The following PIGB variants were observed in gnomAD, a reference collection of about 807,000 sequenced individuals.
The protein encoded by PIGB is GPI alpha-1,2-mannosyltransferase 3.
Under a neutral mutation model 68.4 loss-of-function variants are expected in PIGB, and 58 were observed. The observed-to-expected ratio is 0.85, with a 90% confidence interval of 0.69 to 1.06. PIGB has a LOEUF of 1.06. Ranked by LOEUF, PIGB falls within the 50% of genes least tolerant of loss-of-function variation. The pLI, the probability that PIGB is intolerant of heterozygous loss-of-function variation, is 0.00. For missense variants in PIGB, 634 were observed against 655.8 expected, an observed-to-expected ratio of 0.97 and a Z score of 0.36; for synonymous variants, 219 against 220.5, an observed-to-expected ratio of 0.99 and a Z score of 0.06.
At chr15:55,348,052 G>A (rs1218183308) in intron 9 of PIGB, among the ~76,000 whole-genome samples, 3 of 139,746 alleles carry the variant, frequency 2.1e-5, no homozygotes, top group Admixed American at 7.9e-5. Context: ...GCAGTGGCAC[G>A]ATCTCAGCTC....
chr15:55,354,220 CAGG>C (rs1183397851), intron 10 of PIGB, among the ~76,000 whole-genome samples: 5 of 151,592 alleles, frequency 3.3e-5, no homozygotes, highest in Admixed American at 3.3e-4. Context: ...GAGGCTGAGA[CAGG>C]AGAATTGCTG....
In PIGB at chr15:55,340,658, A is replaced by C; in HGVS notation, c.893A>C (p.Asn298Thr). The change falls in exon 8 of 12, where the codon AAC (asparagine) becomes ACC (threonine). Residue 298 changes from asparagine to threonine, a missense_variant. Transcript: ENST00000164305. ...FNFLKFNVLQ[N>T]WGTFYGSHPW... ...TTTTTGAAATTTAACGTGCTGCAGA[A>C]CTGGGGAACATTTTATGGTTCTCAT... 1 of 1,613,046 alleles carries C rather than the reference A, an allele frequency of 6.2e-7. No homozygotes were observed. The highest frequency in any genetic ancestry group is 8.5e-7 in the Non-Finnish European group (1 of 1,179,528).
Position 55,319,452 on chromosome 15 carries a change from A to C in PIGB, c.163+39A>C, listed in dbSNP as rs751542127. ...CACTGTCTGGAGAGCTCCTACCCCCATCTAAAAGGAACCCCCTCCATTTCA... is the reference window on the plus strand; with the variant it reads ...CACTGTCTGGAGAGCTCCTACCCCCCTCTAAAAGGAACCCCCTCCATTTCA... On this transcript the variant is annotated intron_variant, in intron 1 of 11. Transcript: ENST00000164305. 4.7e-6 allele frequency: 7 copies of C among 1,485,300 alleles called. No homozygotes were observed. The South Asian group carries it at 8.8e-5, about 19-fold the overall frequency. 92.0% of individuals were successfully genotyped at this position (1,485,300 alleles called of 1,614,324 possible).
chr15:55,327,391 G>A (rs1413085103), intron 3 of PIGB, 140 bp from the exon 4 acceptor site: 1 of 596,844 alleles, frequency 1.7e-6, no homozygotes, highest in African/African-American at 1.9e-5. Context: ...TTTTGTGGAA[G>A]AATAGAAAAA....
chr15:55,347,415 G>A (rs892314518), intron 9 of PIGB, among the ~76,000 whole-genome samples: 11 of 152,220 alleles, frequency 7.2e-5, no homozygotes, highest in Non-Finnish European at 1.3e-4. Context: ...GCGAAAGAGC[G>A]AGAGTCCATC....
At chr15:55,345,068 G>C (rs951399033) in intron 9 of PIGB, among the ~76,000 whole-genome samples, 40 of 151,798 alleles carry the variant, frequency 2.6e-4, no homozygotes, top group African/African-American at 9.7e-4. Context: ...GCTAATTTTT[G>C]TATTTTTAGT....
At chr15:55,353,419 C>T (rs2141224899) in intron 10 of PIGB, among the ~76,000 whole-genome samples, 1 of 152,232 alleles carries the variant, frequency 6.6e-6, no homozygotes, top group Admixed American at 6.5e-5. Context: ...AATTTTTATG[C>T]ATTTCATAAA....
rs1219242503 is a variant in PIGB, at chr15:55,332,895, A to G, written c.654-972A>G. On this transcript the variant is annotated intron_variant, in intron 5 of 11. Transcript: ENST00000164305. ...TCTGTATTTCTATCCATGATCATAC[A>G]GTTTATACAGTAGGCCTTTTATCAG... 2.0e-5 allele frequency among the ~76,000 whole-genome samples: 3 copies of G among 152,344 alleles called. 1 individual carries two copies. Among genetic ancestry groups the G allele is most frequent in the African/African-American group, 4.8e-5 (2 of 41,584 alleles).
intron 9 of PIGB, among the ~76,000 whole-genome samples, chr15:55,347,099 C>T (rs59228226): frequency 0.18 from 27,672 of 152,190 alleles, 4,405 homozygotes; most frequent in African/African-American, 0.43. Context: ...CTTTATATGT[C>T]AAATGCATAG....
intron 6 of PIGB, among the ~76,000 whole-genome samples, chr15:55,335,534 T>A (rs1283701226): frequency 6.6e-6 from 1 of 152,074 alleles, no homozygotes; most frequent in Non-Finnish European, 1.5e-5. Context: ...AAGATAAGAG[T>A]AAATATATAT....
intron 5 of PIGB, among the ~76,000 whole-genome samples, chr15:55,331,022 C>G (rs2055401014): frequency 6.6e-6 from 1 of 152,136 alleles, no homozygotes; most frequent in South Asian, 2.1e-4. Context: ...ATGCAGAATC[C>G]AAGGCAGTTT....
chr15:55,326,964 G>C (rs779171524), intron 3 of PIGB, among the ~76,000 whole-genome samples: 5 of 152,090 alleles, frequency 3.3e-5, no homozygotes, highest in Non-Finnish European at 7.4e-5. Context: ...CAAGGTGGAA[G>C]TATCATTTGA....
intron 8 of PIGB, 98 bp downstream of exon 8, chr15:55,340,921 T>C: frequency 2.7e-6 from 2 of 736,012 alleles, no homozygotes; most frequent in Non-Finnish European, 4.4e-6. Flanking sequence ...GGAGGTGCCA[T>C]TAACTTTTGT....
At chr15:55,347,357 G>A (rs1265422529) in intron 9 of PIGB, among the ~76,000 whole-genome samples, 2 of 152,234 alleles carry the variant, frequency 1.3e-5, no homozygotes, top group African/African-American at 4.8e-5. Flanking sequence ...AACCCAGGAG[G>A]TGGAGGTTGC....
intron 10 of PIGB, chr15:55,351,459 A>C (rs2055920405): frequency 1.3e-5 from 2 of 153,112 alleles, no homozygotes; most frequent in Admixed American, 1.3e-4. Flanking sequence ...TTCTGATTTA[A>C]ATCAGTATAA....
At chr15:55,351,110 C>CTTTT (rs374683561) in intron 10 of PIGB, among the ~76,000 whole-genome samples, 198 bp downstream of exon 10, 1 of 135,728 alleles carries the variant, frequency 7.4e-6, no homozygotes, top group Admixed American at 7.4e-5. Context: ...AACTTTTTTT[C>CTTTT]TTTTTTTTTT....
At chr15:55,352,197 C>T (rs2055941341) in intron 10 of PIGB, among the ~76,000 whole-genome samples, 1 of 152,066 alleles carries the variant, frequency 6.6e-6, no homozygotes, top group African/African-American at 2.4e-5. Flanking sequence ...ATCCGCCCAC[C>T]TCAGCCTCCC....
intron 9 of PIGB, among the ~76,000 whole-genome samples, chr15:55,348,178 G>C (rs537794030): frequency 1.3e-5 from 2 of 152,110 alleles, no homozygotes; most frequent in African/African-American, 4.8e-5. Flanking sequence ...GTAGAGATGG[G>C]TTTTCACGAT....
At chr15:55,342,548 T>C (rs1422327464) in intron 9 of PIGB, among the ~76,000 whole-genome samples, 1 of 152,076 alleles carries the variant, frequency 6.6e-6, no homozygotes. Flanking sequence ...TCCGCCACCA[T>C]ACCCGGCTAA....
Sources: gnomAD v4.1 joint callset for allele counts (sites outside exome capture counted in the v4.1 genomes callset) on GRCh38, gnomAD v4.1.1 for gene constraint, MANE v1.5 for transcripts, NCBI Gene and HGNC (gene_info 2026-07-23, HGNC 2026-07-21) for gene names.